Variants in DISP1 observed in about 807,000 individuals in gnomAD.
The protein encoded by DISP1 is protein dispatched homolog 1.
DISP1 carries 30 observed loss-of-function variants against 37.3 expected under a neutral mutation model. The ratio of observed to expected loss-of-function variants is 0.80; its 90% CI spans 0.60 to 1.09. The LOEUF (loss-of-function observed/expected upper bound fraction) is 1.09, where lower values mean the gene tolerates loss of function less well. DISP1 is among the 50% of genes least tolerant of loss of function. DISP1 has a pLI of 0.00. For missense variants in DISP1, 1,598 were observed against 1,879.5 expected, an observed-to-expected ratio of 0.85 and a Z score of 2.77; for synonymous variants, 634 against 690.2, an observed-to-expected ratio of 0.92 and a Z score of 1.28.
At chr1:222,848,125 T>C (rs1668023018) in intron 1 of DISP1, among the ~76,000 whole-genome samples, 2 of 152,192 alleles carry the variant, frequency 1.3e-5, no homozygotes, top group South Asian at 4.1e-4. Flanking sequence ...TGATTTATCT[T>C]TTCTCCATTG....
Position 222,904,868 on chromosome 1 carries a change from A to G in DISP1, c.-158-23562A>G, listed in dbSNP as rs184292063. Reference sequence around the variant, plus strand: ...GGCGTGAGCCACTGCCCCTGGCCTCATATTTTAACTAATAATTTCCAGTCA... The same window carrying G: ...GGCGTGAGCCACTGCCCCTGGCCTCGTATTTTAACTAATAATTTCCAGTCA... On this transcript the variant is annotated intron_variant, in intron 1 of 8. Coordinates refer to ENST00000675850, the MANE Select transcript of DISP1 (RefSeq NM_001377229.1). Among the ~76,000 whole-genome samples the G allele has an allele frequency of 2.9e-3, 449 of 152,284 alleles. 3 individuals carry two copies. Among genetic ancestry groups the G allele is most frequent in the African/African-American group, 0.01 (436 of 41,570 alleles).
chr1:222,817,343 A>G (rs1661500980), intron 1 of DISP1, among the ~76,000 whole-genome samples: 1 of 152,250 alleles, frequency 6.6e-6, no homozygotes, highest in African/African-American at 2.4e-5. Context: ...AGTGATAACC[A>G]AAACACTGTC....
chr1:222,938,797 G>C (rs913062350), intron 2 of DISP1, among the ~76,000 whole-genome samples: 1 of 150,166 alleles, frequency 6.7e-6, no homozygotes, highest in Non-Finnish European at 1.5e-5. Context: ...GGGATGAAGA[G>C]GGGGAAGGGA....
At chr1:222,847,805 A>G (rs999524919) in intron 1 of DISP1, among the ~76,000 whole-genome samples, 1 of 152,136 alleles carries the variant, frequency 6.6e-6, no homozygotes, top group Non-Finnish European at 1.5e-5. Context: ...TTTTTTTTGA[A>G]TTAGCCCAAT....
At chr1:222,928,691 T>C (rs1321174234) in intron 2 of DISP1, 121 bp downstream of exon 2, 4 of 152,210 alleles carry the variant, frequency 2.6e-5, no homozygotes. Context: ...AAATTCCAGC[T>C]CACTGTTTTG....
intron 1 of DISP1, among the ~76,000 whole-genome samples, chr1:222,833,903 G>A (rs185830540): frequency 6.0e-4 from 92 of 152,292 alleles, no homozygotes; most frequent in Non-Finnish European, 1.0e-3. Context: ...GTTGTTGTGA[G>A]GTTGTTGCAA....
chr1:222,915,136 A>G (rs1672425267), intron 1 of DISP1, among the ~76,000 whole-genome samples: 1 of 152,218 alleles, frequency 6.6e-6, no homozygotes, highest in African/African-American at 2.4e-5. Flanking sequence ...AGGAACCATC[A>G]TTGCAAATAC....
At chr1:222,959,251 TAAC>T (rs1404668195) in intron 3 of DISP1, among the ~76,000 whole-genome samples, 1 of 152,192 alleles carries the variant, frequency 6.6e-6, no homozygotes, top group African/African-American at 2.4e-5. Context: ...TTAAAATCTA[TAAC>T]AATAGTATTA....
chr1:222,858,579 C>T (rs964064153), intron 1 of DISP1, among the ~76,000 whole-genome samples: 1 of 152,092 alleles, frequency 6.6e-6, no homozygotes, highest in African/African-American at 2.4e-5. Context: ...GCACTCTATC[C>T]ATCTGATAAA....
chr1:222,936,822 A>ATTTATATATCATATATAT, intron 2 of DISP1, among the ~76,000 whole-genome samples: 1 of 41,364 alleles, frequency 2.4e-5, no homozygotes, highest in African/African-American at 9.0e-5. Context: ...ATTATATATA[A>ATTTATATATCATATATAT]TATATATAAA....
intron 1 of DISP1, among the ~76,000 whole-genome samples, chr1:222,919,852 C>T (rs1428422841): frequency 2.6e-5 from 4 of 152,270 alleles, no homozygotes; most frequent in Non-Finnish European, 5.9e-5. Flanking sequence ...CCACATATTA[C>T]AGAAAGTTTC....
At position 223,005,190 on chromosome 1, in the gene DISP1, T is replaced by C. The variant is rs1259820531; in HGVS notation, c.3793T>C (p.Phe1265Leu). ...TGAACAGCATACCGTGTGTCACTTCTTCTCTCTGAATCAGAGATGTAGCTG... is the reference window on the plus strand; with the variant it reads ...TGAACAGCATACCGTGTGTCACTTCCTCTCTCTGAATCAGAGATGTAGCTG... ...PLEQHTVCHF[F>L]SLNQRCSCPD... Residue 1265 changes from phenylalanine (F) to leucine (L), a missense_variant, in exon 9 of 9, where the codon TTC becomes CTC. Physicochemically the swap from Phe to Leu is conservative, Grantham distance 22 (BLOSUM62 0). Coordinates refer to ENST00000675850, the MANE Select transcript of DISP1 (RefSeq NM_001377229.1). 7 of 1,614,180 alleles carry C rather than the reference T, an allele frequency of 4.3e-6. No individual in the cohort carries two copies. The Admixed American group carries it at 5.0e-5, about 12-fold the overall frequency.
chr1:222,971,734 T>C (rs2102644923), intron 3 of DISP1, among the ~76,000 whole-genome samples: 1 of 152,230 alleles, frequency 6.6e-6, no homozygotes, highest in East Asian at 1.9e-4. Context: ...TGAGATGGGA[T>C]CTTAGATATA....
At chr1:222,914,969 A>C (rs1672412595) in intron 1 of DISP1, among the ~76,000 whole-genome samples, 1 of 152,114 alleles carries the variant, frequency 6.6e-6, no homozygotes, top group Admixed American at 6.6e-5. Context: ...TCTGTCATTC[A>C]TTCATTCATT....
intron 1 of DISP1, among the ~76,000 whole-genome samples, chr1:222,926,882 G>C (rs61840878): frequency 0.091 from 13,844 of 152,084 alleles, 761 homozygotes; most frequent in Non-Finnish European, 0.12. Context: ...AACACAAGAG[G>C]GTAGTCTTGT....
chr1:222,929,752 C>T (rs551744990), intron 2 of DISP1, among the ~76,000 whole-genome samples: 1 of 152,076 alleles, frequency 6.6e-6, no homozygotes, highest in South Asian at 2.1e-4. Context: ...AAACATTTTG[C>T]ATTCTTTCAT....
At chr1:222,862,934 C>G (rs72742228) in intron 1 of DISP1, among the ~76,000 whole-genome samples, 386 of 152,246 alleles carry the variant, frequency 2.5e-3, no homozygotes, top group Non-Finnish European at 4.2e-3. Context: ...TAATCTGGAA[C>G]AGTACTCTAG....
In DISP1 at chr1:223,004,056, G is replaced by A. The variant is rs1359521196; in HGVS notation, c.2659G>A (p.Glu887Lys). ...CTTCCCCTACAAGCAAGAGATTTTT[G>A]AACTGTGCATCAAGAGAGCTATCAT... is the stretch of plus-strand genomic sequence containing the variant. ...WSFPYKQEIF[E>K]LCIKRAIMEL... The change falls in exon 9 of 9, where the codon GAA (glutamate) becomes AAA (lysine). Residue 887 changes from glutamate to lysine, a missense_variant. Transcript: ENST00000675850. The surrounding 1 kb of genome is among the most constrained non-coding windows in gnomAD (Gnocchi z 4.9). 4 of 1,613,946 alleles carry A rather than the reference G, an allele frequency of 2.5e-6. No individual in the cohort carries two copies. In the South Asian group the frequency reaches 3.3e-5, roughly 13 times the overall value.
At chr1:222,822,142 A>C (rs1195603213) in intron 1 of DISP1, among the ~76,000 whole-genome samples, 1 of 152,204 alleles carries the variant, frequency 6.6e-6, no homozygotes, top group Non-Finnish European at 1.5e-5. Flanking sequence ...ATTTGTGCTC[A>C]AGATCCAGTA....
Sources: gnomAD v4.1 joint callset for allele counts (sites outside exome capture counted in the v4.1 genomes callset) on GRCh38, gnomAD v4.1.1 for gene constraint, Gnocchi (gnomAD v3.1) non-coding constraint, MANE v1.5 for transcripts, NCBI Gene and HGNC (gene_info 2026-07-23, HGNC 2026-07-21) for gene names.